The following NAALADL2 variants were observed in gnomAD, a reference collection of about 807,000 sequenced individuals.
NAALADL2 encodes inactive N-acetylated-alpha-linked acidic dipeptidase-like protein 2.
A neutral mutation model predicts 87.2 loss-of-function variants in NAALADL2; 76 were observed. The ratio of observed to expected loss-of-function variants is 0.87; its 90% CI spans 0.72 to 1.05. The LOEUF is 1.05. Among genes scored for constraint, NAALADL2 ranks in the 50% least tolerant of loss-of-function variants. NAALADL2 has a pLI of 0.00. For missense variants in NAALADL2, 1,089 were observed against 945.8 expected (o/e 1.15, Z -1.99); for synonymous variants, 354 against 331.0 (o/e 1.07, Z -0.75).
At chr3:174,639,421 G>A (rs938101436) in intron 2 of NAALADL2, among the ~76,000 whole-genome samples, 2 of 152,136 alleles carry the variant, frequency 1.3e-5, no homozygotes, top group Non-Finnish European at 2.9e-5. Context: ...GGGTCTTTGC[G>A]CAACTTTGTG....
At chr3:175,232,640 T>G (rs576345684) in intron 2 of NAALADL2, among the ~76,000 whole-genome samples, 1 of 152,202 alleles carries the variant, frequency 6.6e-6, no homozygotes, top group African/African-American at 2.4e-5. Context: ...TTGGCCCACA[T>G]TCAGAGCTGT....
At chr3:175,642,746 C>T (rs1019490381) in intron 11 of NAALADL2, among the ~76,000 whole-genome samples, 65 of 152,118 alleles carry the variant, frequency 4.3e-4, no homozygotes, top group Admixed American at 3.9e-3. Flanking sequence ...GTGATCCTCC[C>T]GCCTCGGCTT....
intron 5 of NAALADL2, among the ~76,000 whole-genome samples, chr3:175,391,556 C>T (rs7643142): frequency 0.14 from 20,993 of 152,178 alleles, 1,515 homozygotes; most frequent in Admixed American, 0.16. Context: ...TTGTGAGAAA[C>T]TGAACATTGA....
intron 10 of NAALADL2, among the ~76,000 whole-genome samples, chr3:175,624,849 C>T (rs1437288715): frequency 6.6e-6 from 1 of 151,768 alleles, no homozygotes; most frequent in Admixed American, 6.6e-5. Flanking sequence ...AATTAATTAC[C>T]CCCACCTCAA....
intron 3 of NAALADL2, among the ~76,000 whole-genome samples, chr3:174,816,493 A>C (rs991270843): frequency 7.5e-6 from 1 of 133,340 alleles, no homozygotes; most frequent in African/African-American, 3.0e-5. Flanking sequence ...ACGCATATAT[A>C]TACATTATTT....
At chr3:174,624,097 T>A (rs1195067981) in intron 2 of NAALADL2, among the ~76,000 whole-genome samples, 2 of 152,170 alleles carry the variant, frequency 1.3e-5, no homozygotes. Context: ...TGTTTTACAT[T>A]TGCTTAAAAT....
At chr3:175,475,374 A>T (rs1200970866) in intron 9 of NAALADL2, among the ~76,000 whole-genome samples, 1 of 152,190 alleles carries the variant, frequency 6.6e-6, no homozygotes, top group East Asian at 1.9e-4. Flanking sequence ...AAGATGCAAA[A>T]CAAACACATA....
At chr3:175,553,070 G>A (rs1438841728) in intron 9 of NAALADL2, among the ~76,000 whole-genome samples, 1 of 151,924 alleles carries the variant, frequency 6.6e-6, no homozygotes, top group Non-Finnish European at 1.5e-5. Context: ...GGGATTATAG[G>A]TAGCTTGTTA....
At chr3:175,155,589 G>A (rs1025612138) in intron 2 of NAALADL2, among the ~76,000 whole-genome samples, 3 of 151,978 alleles carry the variant, frequency 2.0e-5, no homozygotes, top group Non-Finnish European at 4.4e-5. Context: ...TCTTATTAAT[G>A]ATCTTTTTCT....
chr3:175,050,567 G>A (rs950521946), intron 1 of NAALADL2, among the ~76,000 whole-genome samples: 2 of 152,156 alleles, frequency 1.3e-5, no homozygotes, highest in East Asian at 3.8e-4. Flanking sequence ...GAAATATACT[G>A]TGGGGCTATT....
At chr3:175,097,783 G>A (rs1002129788) in intron 2 of NAALADL2, among the ~76,000 whole-genome samples, 1 of 152,116 alleles carries the variant, frequency 6.6e-6, no homozygotes, top group Non-Finnish European at 1.5e-5. Context: ...CATACATGTT[G>A]AGTTGTAAAA....
At chr3:175,721,238 T>A (rs1742192932) in intron 11 of NAALADL2, among the ~76,000 whole-genome samples, 1 of 151,944 alleles carries the variant, frequency 6.6e-6, no homozygotes, top group Non-Finnish European at 1.5e-5. Context: ...AAAAATAGAA[T>A]ATACAATTCA....
intron 11 of NAALADL2, among the ~76,000 whole-genome samples, chr3:175,689,748 A>G (rs920057155): frequency 5.3e-5 from 8 of 152,020 alleles, no homozygotes; most frequent in African/African-American, 1.7e-4. Flanking sequence ...TAACATTCTT[A>G]TTTTTTACTC....
chr3:175,613,854 C>T (rs540189396), intron 10 of NAALADL2, among the ~76,000 whole-genome samples: 15 of 152,264 alleles, frequency 9.9e-5, no homozygotes, highest in Admixed American at 3.3e-4. Flanking sequence ...ATTCATAATA[C>T]ATAAAATATT....
chr3:174,452,264 GCA>G (rs1157004016), intron 1 of NAALADL2, among the ~76,000 whole-genome samples: 2 of 152,196 alleles, frequency 1.3e-5, no homozygotes, highest in East Asian at 3.9e-4. Flanking sequence ...TCTTTGTCTT[GCA>G]CCTCATCTCT....
At chr3:175,150,128 C>T (rs562615417) in intron 2 of NAALADL2, among the ~76,000 whole-genome samples, 5 of 152,210 alleles carry the variant, frequency 3.3e-5, no homozygotes, top group African/African-American at 1.2e-4. Flanking sequence ...TCATATACAT[C>T]GTGAGATTAA....
At chr3:175,062,488 G>C (rs1422003323) in intron 1 of NAALADL2, among the ~76,000 whole-genome samples, 9 of 139,504 alleles carry the variant, frequency 6.5e-5, no homozygotes, top group Non-Finnish European at 1.4e-4. Flanking sequence ...GTGTGTGTGT[G>C]TGTGTGTGTG....
At chr3:175,637,227 G>A (rs1317149229) in intron 11 of NAALADL2, among the ~76,000 whole-genome samples, 2 of 152,164 alleles carry the variant, frequency 1.3e-5, no homozygotes, top group East Asian at 3.9e-4. Context: ...TCTGAGATAT[G>A]TTTGTCAATG....
At chr3:175,156,583 T>C (rs13320132) in intron 2 of NAALADL2, among the ~76,000 whole-genome samples, 26,730 of 152,056 alleles carry the variant, frequency 0.18, 2,944 homozygotes, top group African/African-American at 0.31. Flanking sequence ...TTTGTTATTT[T>C]AAAGTGACAT....
Sources: gnomAD v4.1 joint callset for allele counts (sites outside exome capture counted in the v4.1 genomes callset) on GRCh38, gnomAD v4.1.1 for gene constraint, MANE v1.5 for transcripts, NCBI Gene and HGNC (gene_info 2026-07-23, HGNC 2026-07-21) for gene names.